ADGRB3: variants seen among roughly 807,000 people sequenced by gnomAD.
ADGRB3 encodes the protein brain-specific angiogenesis inhibitor 3.
In ADGRB3, 37 loss-of-function variants were observed where a neutral mutation model predicts 193.4. That is an observed-to-expected ratio of 0.19 (90% confidence interval 0.15 to 0.25). The LOEUF (loss-of-function observed/expected upper bound fraction) is 0.25, where lower values mean the gene tolerates loss of function less well. Among genes scored for constraint, ADGRB3 ranks in the 10% least tolerant of loss-of-function variants. The probability of loss-of-function intolerance (pLI) is 1.00; values close to 1 mark genes in which losing one functional copy is unlikely to be tolerated. For synonymous variants in ADGRB3, 690 were observed against 644.2 expected, an observed-to-expected ratio of 1.07 and a Z score of -1.08; for missense variants, 1,637 against 1,852.9, an observed-to-expected ratio of 0.88 and a Z score of 2.14.
At chr6:68,976,968 CACATAA>C (rs1768768288) in intron 10 of ADGRB3, among the ~76,000 whole-genome samples, 1 of 149,388 alleles carries the variant, frequency 6.7e-6, no homozygotes, top group African/African-American at 2.4e-5. Flanking sequence ...TTATATTTAT[CACATAA>C]ACATAAAGTT....
At chr6:69,137,204 T>G (rs1402248084) in intron 17 of ADGRB3, among the ~76,000 whole-genome samples, 1 of 151,934 alleles carries the variant, frequency 6.6e-6, no homozygotes, top group Non-Finnish European at 1.5e-5. Context: ...CCATCCAAAG[T>G]TATTTCCTCT....
intron 17 of ADGRB3, among the ~76,000 whole-genome samples, chr6:69,108,069 C>T (rs144755314): frequency 3.3e-3 from 505 of 151,530 alleles, no homozygotes; most frequent in Non-Finnish European, 3.7e-3. Flanking sequence ...AAAAGTCAGC[C>T]GAAGAAGAAC....
chr6:69,099,064 T>G (rs1772962446), intron 17 of ADGRB3, among the ~76,000 whole-genome samples: 1 of 152,190 alleles, frequency 6.6e-6, no homozygotes, highest in South Asian at 2.1e-4. Flanking sequence ...ATACTGAGGG[T>G]GTTCATACTC....
intron 17 of ADGRB3, among the ~76,000 whole-genome samples, chr6:69,176,081 A>G (rs1775411997): frequency 6.6e-6 from 1 of 152,170 alleles, no homozygotes; most frequent in South Asian, 2.1e-4. Flanking sequence ...TATATCATCA[A>G]CAAAGAGAGA....
rs773710161 is a variant in ADGRB3 at position 68,639,418 on chromosome 6, G to A, written c.743G>A (p.Arg248Gln). Reference sequence around the variant, plus strand: ...TGCAATCTTACCAGGGAGGCCAAGCGACCACCCAAAGAAGGTAAGTGCCAA... The same window carrying A: ...TGCAATCTTACCAGGGAGGCCAAGCAACCACCCAAAGAAGGTAAGTGCCAA... ...QVCNLTREAKRPPKEEFGMMG... is the reference protein window; with the variant it reads ...QVCNLTREAKQPPKEEFGMMG... The change falls in exon 3 of 32, where the codon CGA becomes CAA. Residue 248 changes from arginine to glutamine, a missense_variant. This residue lies in a region of ADGRB3 where 365 missense variants were observed against 409.8 expected (regional missense o/e 0.89). Coordinates refer to ENST00000370598, the MANE Select transcript of ADGRB3 (RefSeq NM_001704.3). 4 of 1,607,732 alleles carry A rather than the reference G, an allele frequency of 2.5e-6. No homozygotes were observed. The highest frequency in any genetic ancestry group is 2.5e-6 in the Non-Finnish European group (3 of 1,177,064).
At chr6:69,116,351 G>A in intron 17 of ADGRB3, among the ~76,000 whole-genome samples, 1 of 152,210 alleles carries the variant, frequency 6.6e-6, no homozygotes, top group East Asian at 1.9e-4. Flanking sequence ...TCTAAACACT[G>A]CGCCCACACA....
At chr6:68,736,689 C>T (rs2127337173) in intron 3 of ADGRB3, among the ~76,000 whole-genome samples, 1 of 152,058 alleles carries the variant, frequency 6.6e-6, no homozygotes, top group South Asian at 2.1e-4. Flanking sequence ...AAATAAAATG[C>T]TAAATATTGA....
chr6:69,385,781 C>T (rs1275370938), intron 31 of ADGRB3, among the ~76,000 whole-genome samples: 1 of 152,038 alleles, frequency 6.6e-6, no homozygotes, highest in Non-Finnish European at 1.5e-5. Flanking sequence ...CTTCAGTGAT[C>T]CCTTTGGACA....
intron 17 of ADGRB3, among the ~76,000 whole-genome samples, chr6:69,110,455 C>G (rs973980799): frequency 6.6e-6 from 1 of 152,088 alleles, no homozygotes; most frequent in Admixed American, 6.5e-5. Flanking sequence ...AATTAGGAAA[C>G]TGCTACAGAA....
chr6:69,122,999 AGT>A lies in ADGRB3; in HGVS notation c.2480+46984_2480+46985del, dbSNP rs70987452. ...GTATATATATATACACATACGTGTG[AGT>A]GTGTGTGTGTGTGTGTGTGTGTATG... is the stretch of plus-strand genomic sequence containing the variant. On this transcript the variant is annotated intron_variant, in intron 17 of 31. Coordinates refer to ENST00000370598, the MANE Select transcript of ADGRB3 (RefSeq NM_001704.3). Among the ~76,000 whole-genome samples, 508 of 149,364 alleles carry A rather than the reference AGT, an allele frequency of 3.4e-3. 2 individuals are homozygous for A. Among genetic ancestry groups the A allele is most frequent in the African/African-American group, 0.011 (429 of 40,504 alleles).
intron 13 of ADGRB3, among the ~76,000 whole-genome samples, chr6:69,041,698 G>A (rs2150298908): frequency 6.6e-6 from 1 of 152,092 alleles, no homozygotes; most frequent in Middle Eastern, 3.4e-3. Flanking sequence ...TTGACCTCCA[G>A]GGCTCAAGGG....
At chr6:69,354,912 G>A (rs1582652741) in intron 27 of ADGRB3, among the ~76,000 whole-genome samples, 1 of 152,148 alleles carries the variant, frequency 6.6e-6, no homozygotes, top group African/African-American at 2.4e-5. Flanking sequence ...CCACTTTGAT[G>A]TATTTTAGAA....
At chr6:69,218,045 G>A (rs1765805850) in intron 17 of ADGRB3, among the ~76,000 whole-genome samples, 1 of 135,464 alleles carries the variant, frequency 7.4e-6, no homozygotes, top group South Asian at 2.3e-4. Flanking sequence ...TGGTGAACAT[G>A]TAAAAGCCTT....
At chr6:68,812,356 T>G (rs2127376207) in intron 3 of ADGRB3, among the ~76,000 whole-genome samples, 1 of 152,210 alleles carries the variant, frequency 6.6e-6, no homozygotes, top group African/African-American at 2.4e-5. Flanking sequence ...TGAGTTAACA[T>G]TTTTAAAGGA....
At chr6:68,970,361 T>G (rs913344730) in intron 8 of ADGRB3, among the ~76,000 whole-genome samples, 7 of 151,936 alleles carry the variant, frequency 4.6e-5, no homozygotes, top group Non-Finnish European at 1.0e-4. Context: ...CTTGGCTCAC[T>G]GCAAACCCTG....
At chr6:68,979,857 T>C (rs1768856819) in intron 10 of ADGRB3, among the ~76,000 whole-genome samples, 2 of 151,334 alleles carry the variant, frequency 1.3e-5, no homozygotes, top group Admixed American at 1.3e-4. Flanking sequence ...CTCTCTCTCT[T>C]CTCTCTCCTC....
intron 3 of ADGRB3, among the ~76,000 whole-genome samples, chr6:68,824,223 T>TTATTTC (rs150535354): frequency 0.66 from 99,964 of 151,202 alleles, 33,375 homozygotes; most frequent in East Asian, 0.77. Flanking sequence ...TCTTAAACTT[T>TTATTTC]TATTTCTATT....
chr6:69,013,722 C>A (rs576021103), intron 11 of ADGRB3, among the ~76,000 whole-genome samples: 246 of 152,132 alleles, frequency 1.6e-3, no homozygotes, highest in African/African-American at 4.7e-3. Flanking sequence ...CGGGATCAAA[C>A]TTACTTGTAT....
intron 5 of ADGRB3, among the ~76,000 whole-genome samples, chr6:68,942,278 A>G (rs1414972463): frequency 1.3e-5 from 2 of 152,114 alleles, no homozygotes; most frequent in African/African-American, 4.8e-5. Flanking sequence ...TTACTTGCGT[A>G]TTTCATCTGC....
Sources: allele counts gnomAD v4.1 joint callset (sites outside exome capture counted in the v4.1 genomes callset), GRCh38; gene constraint gnomAD v4.1.1; regional missense constraint gnomAD v4.1.1; transcripts MANE v1.5; gene names NCBI Gene and HGNC (gene_info 2026-07-23, HGNC 2026-07-21).